Variants in SKP1 observed in about 807,000 individuals in gnomAD.
SKP1 encodes the protein S-phase kinase-associated protein 1.
In SKP1, 1 loss-of-function variant was observed where a neutral mutation model predicts 21.5. The observed-to-expected ratio is 0.05, with a 90% CI of 0.02 to 0.22. The LOEUF (loss-of-function observed/expected upper bound fraction) is 0.22. Among genes scored for constraint, SKP1 ranks in the 10% least tolerant of loss-of-function variants. The pLI is 1.00. For missense variants in SKP1, 70 were observed against 192.0 expected, an observed-to-expected ratio of 0.36 and a Z score of 3.76; for synonymous variants, 59 against 59.3, an observed-to-expected ratio of 0.99 and a Z score of 0.03.
intron 2 of SKP1, among the ~76,000 whole-genome samples, chr5:134,168,758 G>C (rs914694135): frequency 6.6e-6 from 1 of 152,072 alleles, no homozygotes; most frequent in African/African-American, 2.4e-5. Flanking sequence ...GTACACTAAG[G>C]TTTATGGCAT....
rs1027734413 is a variant in SKP1 at position 134,149,939 on chromosome 5, G to A, written c.*7794C>T. On this transcript the variant is annotated 3_prime_UTR_variant, in exon 6 of 6. Transcript: ENST00000353411. ...CCTGCGAGGCCAGAGGGTGACTTGAGATTGCAACCTCAAGTTCAACTGCTA... is the reference window on the plus strand; with the variant it reads ...CCTGCGAGGCCAGAGGGTGACTTGAAATTGCAACCTCAAGTTCAACTGCTA... 2 of 151,966 alleles carry A rather than the reference G, an allele frequency of 1.3e-5. No homozygotes were observed. The highest frequency in any genetic ancestry group is 2.9e-5 in the Non-Finnish European group (2 of 68,012). 9.4% of individuals were successfully genotyped at this position (151,966 alleles called of 1,614,324 possible). A position where few individuals can be genotyped will look rare whatever the true frequency, so the allele number is the denominator to read the frequency against.
intron 3 of SKP1, among the ~76,000 whole-genome samples, chr5:134,166,694 T>G (rs1356042313): frequency 6.7e-6 from 1 of 149,982 alleles, no homozygotes; most frequent in Non-Finnish European, 1.5e-5. Context: ...GGGACTGGAA[T>G]AGATAAGGAC....
rs2149372312 is a variant in SKP1 at position 134,156,234 on chromosome 5, A to T, written c.*1499T>A. Reference sequence around the variant, plus strand: ...ACCAGGACAAACAGAAAACAAGCTTATCTCCTGAGAGAGAGAGAGAGAGAG... The same window carrying T: ...ACCAGGACAAACAGAAAACAAGCTTTTCTCCTGAGAGAGAGAGAGAGAGAG... On this transcript the variant is annotated 3_prime_UTR_variant, in exon 6 of 6. Coordinates refer to ENST00000353411, the MANE Select transcript of SKP1 (RefSeq NM_170679.3). 3 of 147,236 alleles carry T rather than the reference A, an allele frequency of 2.0e-5. No individual in the cohort carries two copies. The South Asian group carries it at 6.4e-4, about 31-fold the overall frequency. The allele number at this position is 147,236 out of a possible 1,614,324, so 9.1% of individuals were successfully genotyped here. A position where few individuals can be genotyped will look rare whatever the true frequency, so the allele number is the denominator to read the frequency against.
At chr5:134,171,214 T>G (rs1761434715) in intron 2 of SKP1, among the ~76,000 whole-genome samples, 1 of 152,188 alleles carries the variant, frequency 6.6e-6, no homozygotes, top group Non-Finnish European at 1.5e-5. Context: ...CCTCTGCAAT[T>G]CAGCTTCTGC....
Position 134,174,073 on chromosome 5 carries a change from G to T in SKP1, c.1-51C>A. ...AAATTTAAGAGAGAGAGTTCTACAT[G>T]ACATTTCATCAACTACAGTCCATCA... is the stretch of plus-strand genomic sequence containing the variant. On this transcript the variant is annotated intron_variant, in intron 1 of 5. Coordinates refer to ENST00000353411, the MANE Select transcript of SKP1 (RefSeq NM_170679.3). 2.6e-6 allele frequency: 3 copies of T among 1,135,042 alleles called. No individual in the cohort carries two copies. In the South Asian group the frequency reaches 3.8e-5, roughly 14 times the overall value. 70.3% of individuals were successfully genotyped at this position (1,135,042 alleles called of 1,614,324 possible).
rs763482463 is a variant in SKP1, at chr5:134,155,006, T to C, written c.*2727A>G. The C allele has an allele frequency of 1.4e-4, 21 of 152,220 alleles. No homozygotes were observed. The highest frequency in any genetic ancestry group is 2.4e-4 in the Non-Finnish European group (16 of 68,042). The allele number at this position is 152,220 out of a possible 1,614,324, so 9.4% of individuals were successfully genotyped here. On this transcript the variant is annotated 3_prime_UTR_variant, in exon 6 of 6. Coordinates refer to ENST00000353411, the MANE Select transcript of SKP1 (RefSeq NM_170679.3). ...CTTCTGTTACTTATACTGAAATTCA[T>C]GGAGTAGTGCTGCTAAATACAAGTT...
chr5:134,159,442 G>A (rs1223409558), intron 4 of SKP1, among the ~76,000 whole-genome samples: 2 of 152,054 alleles, frequency 1.3e-5, no homozygotes, highest in East Asian at 1.9e-4. Flanking sequence ...ATTCAGTGGC[G>A]TGATCTCGGC....
chr5:134,174,046 T>C (rs1418355282), intron 1 of SKP1, 24 bp from the exon 2 acceptor site: 2 of 1,412,224 alleles, frequency 1.4e-6, no homozygotes, highest in Non-Finnish European at 2.0e-6. Context: ...ACATTAAATA[T>C]AAAATTTAAG....
intron 4 of SKP1, among the ~76,000 whole-genome samples, chr5:134,160,047 T>C (rs552821479): frequency 6.6e-4 from 100 of 152,110 alleles, no homozygotes; most frequent in Admixed American, 1.8e-3. Flanking sequence ...GAATATGTAT[T>C]CTGCTATCAT....
intron 3 of SKP1, among the ~76,000 whole-genome samples, chr5:134,166,670 T>C (rs1264073735): frequency 1.3e-5 from 2 of 150,132 alleles, no homozygotes; most frequent in South Asian, 4.2e-4. Context: ...AAAGGATAAA[T>C]TGCTACCTGA....
At chr5:134,176,246 T>C (rs1183178170) in intron 1 of SKP1, among the ~76,000 whole-genome samples, 2 of 151,988 alleles carry the variant, frequency 1.3e-5, no homozygotes, top group African/African-American at 4.8e-5. Context: ...CGCTAAGAAA[T>C]ATTCAGATGG....
chr5:134,153,275 GC>G lies in SKP1; in HGVS notation c.*4457del, dbSNP rs1324101236. ...TCTTGAGCCCAGGAATTCGAAAACA[GC>G]CTGGGCAACATGAGGAGACCTCATC... On this transcript the variant is annotated 3_prime_UTR_variant, in exon 6 of 6. Coordinates refer to ENST00000353411, the MANE Select transcript of SKP1 (RefSeq NM_170679.3). 1 of 152,034 alleles carries G rather than the reference GC, an allele frequency of 6.6e-6. No individual in the cohort carries two copies. Among genetic ancestry groups the G allele is most frequent in the East Asian group, 1.9e-4 (1 of 5,182 alleles). 9.4% of individuals were successfully genotyped at this position (152,034 alleles called of 1,614,324 possible).
chr5:134,175,748 A>G (rs1370456622), intron 1 of SKP1, among the ~76,000 whole-genome samples: 2 of 152,242 alleles, frequency 1.3e-5, no homozygotes, highest in Non-Finnish European at 2.9e-5. Context: ...TGGTAATACT[A>G]AACTCAAAGA....
chr5:134,172,118 C>T (rs1761454205), intron 2 of SKP1, among the ~76,000 whole-genome samples: 1 of 152,248 alleles, frequency 6.6e-6, no homozygotes, highest in Admixed American at 6.5e-5. Context: ...TCAAGAATAA[C>T]ACTAGCCAAG....
In SKP1 at chr5:134,158,605, G is replaced by A. The variant is rs1761161977; in HGVS notation, c.316-10C>T. The A allele has an allele frequency of 1.2e-6, 2 of 1,611,474 alleles. No homozygotes were observed. Among genetic ancestry groups the A allele is most frequent in the East Asian group, 4.5e-5 (2 of 44,856 alleles). On this transcript the variant is annotated splice_polypyrimidine_tract_variant and intron_variant, in intron 4 of 5. Transcript: ENST00000353411. Reference sequence around the variant, plus strand: ...CTAAGTAGTTTGCAGCCTGTAAAGAGACAGTTGTTTTCCTTAAAGTATACT... The same window carrying A: ...CTAAGTAGTTTGCAGCCTGTAAAGAAACAGTTGTTTTCCTTAAAGTATACT...
At chr5:134,157,912 T>C in intron 5 of SKP1, 144 bp from the exon 6 acceptor site, 4 of 1,563,476 alleles carry the variant, frequency 2.6e-6, no homozygotes, top group Non-Finnish European at 3.5e-6. Flanking sequence ...GTTAAGACTA[T>C]ATTTCCGGAT....
At position 134,157,409 on chromosome 5, in the gene SKP1, C is replaced by G. The variant is rs945246808; in HGVS notation, c.*324G>C. The G allele has an allele frequency of 2.4e-5, 5 of 211,758 alleles. No homozygotes were observed. The highest frequency in any genetic ancestry group is 4.7e-5 in the Non-Finnish European group (5 of 106,718). 13.1% of individuals were successfully genotyped at this position (211,758 alleles called of 1,614,324 possible). A position where few individuals can be genotyped will look rare whatever the true frequency, so the allele number is the denominator to read the frequency against. On this transcript the variant is annotated 3_prime_UTR_variant, in exon 6 of 6. Transcript: ENST00000353411. ...TACAATGCCAACTTTTAAAAGGTCACTAAAGTTAACTGGACAATAAACTAG... is the reference window on the plus strand; with the variant it reads ...TACAATGCCAACTTTTAAAAGGTCAGTAAAGTTAACTGGACAATAAACTAG...
chr5:134,161,957 T>C (rs183157281), intron 3 of SKP1: 6 of 152,348 alleles, frequency 3.9e-5, no homozygotes, highest in Admixed American at 3.9e-4. Context: ...TGTGTAATTC[T>C]TTCCATTTTT....
chr5:134,161,939 T>G (rs10050683), intron 3 of SKP1: 7,221 of 152,228 alleles, frequency 0.047, 489 homozygotes, highest in African/African-American at 0.15. Flanking sequence ...GGCTACATGG[T>G]TGTCTACTGT....
Sources: allele counts gnomAD v4.1 joint callset (sites outside exome capture counted in the v4.1 genomes callset), GRCh38; gene constraint gnomAD v4.1.1; transcripts MANE v1.5; gene names NCBI Gene and HGNC (gene_info 2026-07-23, HGNC 2026-07-21).